The following ARHGEF4 variants were observed in gnomAD, a reference collection of about 807,000 sequenced individuals.
ARHGEF4 encodes the protein Rho guanine nucleotide exchange factor 4, also known as APC-stimulated guanine nucleotide exchange factor 1.
Under a neutral mutation model 162.0 loss-of-function variants are expected in ARHGEF4, and 119 were observed. The observed-to-expected ratio is 0.73, with a 90% CI of 0.63 to 0.86. The LOEUF (loss-of-function observed/expected upper bound fraction) is 0.86. Among genes scored for constraint, ARHGEF4 ranks in the 40% least tolerant of loss-of-function variants. The probability of loss-of-function intolerance (pLI) is 0.00; values close to 1 mark genes in which losing one functional copy is unlikely to be tolerated. For synonymous variants in ARHGEF4, 1,014 were observed against 979.9 expected (o/e 1.03, Z -0.65); for missense variants, 2,488 against 2,456.0 (o/e 1.01, Z -0.28).
At position 130,880,923 on chromosome 2, in the gene ARHGEF4, C is replaced by CT. The variant is rs1424488149; in HGVS notation, c.40-33060dup. Among the ~76,000 whole-genome samples, 3 of 152,210 alleles carry CT rather than the reference C, an allele frequency of 2.0e-5. No individual in the cohort carries two copies. In the East Asian group the frequency reaches 5.8e-4, roughly 29 times the overall value. ...ATGAGCAGCGTGGTTTGAATCCTAG[C>CT]TTTACAGCTAAATAACAGTATGGTA... On this transcript the variant is annotated intron_variant, in intron 1 of 13. Transcript: ENST00000409359.
rs373368406 is a variant in ARHGEF4 at position 130,885,390 on chromosome 2, G to A, written c.40-28596G>A. On this transcript the variant is annotated intron_variant, in intron 1 of 13. Transcript: ENST00000409359. ...ATTACAGGCGTGAGCCACCGCGCCC[G>A]GCCTACATAATAGCATTAATTCATT... 4.1e-4 allele frequency among the ~76,000 whole-genome samples: 62 copies of A among 151,908 alleles called. 1 individual carries two copies. The highest frequency in any genetic ancestry group is 1.4e-3 in the African/African-American group (57 of 41,302).
chr2:130,897,783 C>A (rs775061967), intron 1 of ARHGEF4, among the ~76,000 whole-genome samples: 2 of 152,160 alleles, frequency 1.3e-5, no homozygotes, highest in Non-Finnish European at 2.9e-5. Context: ...GGTGGCGACT[C>A]TTCCAGAAAA....
chr2:130,944,483 T>C (rs1683492511), intron 3 of ARHGEF4, among the ~76,000 whole-genome samples: 1 of 152,234 alleles, frequency 6.6e-6, no homozygotes, highest in Non-Finnish European at 1.5e-5. Context: ...TGTTCTTCAA[T>C]TGGATAATTT....
chr2:130,977,722 G>A (rs527521269), intron 4 of ARHGEF4, among the ~76,000 whole-genome samples: 5 of 152,106 alleles, frequency 3.3e-5, no homozygotes, highest in African/African-American at 4.8e-5. Context: ...CATCTTGTGC[G>A]TGTGTGGTGT....
intron 3 of ARHGEF4, among the ~76,000 whole-genome samples, chr2:130,940,211 C>T (rs1397473231): frequency 6.6e-6 from 1 of 152,040 alleles, no homozygotes; most frequent in Non-Finnish European, 1.5e-5. Flanking sequence ...ACAGGTGCTA[C>T]AGTGATATCA....
At position 131,044,372 on chromosome 2, in the gene ARHGEF4, A is replaced by C; in HGVS notation, c.5231A>C (p.Glu1744Ala). 6.3e-7 allele frequency: 1 copy of C among 1,597,908 alleles called. No homozygotes were observed. Among genetic ancestry groups the C allele is most frequent in the Non-Finnish European group, 8.5e-7 (1 of 1,172,480 alleles). ...DMDGLEVVDL[E>A]DGKDRDLHVS... ...GACGGCCTGGAGGTGGTGGACCTGG[A>C]GGACGGGAAGGACAGAGACCTCCAT... The change falls in exon 12 of 14, where the codon GAG (glutamate) becomes GCG (alanine). Residue 1744 changes from glutamate to alanine, a missense_variant. Transcript: ENST00000409359.
intron 1 of ARHGEF4, among the ~76,000 whole-genome samples, chr2:130,869,895 C>G (rs1035017040): frequency 2.0e-5 from 3 of 152,170 alleles, no homozygotes; most frequent in African/African-American, 7.2e-5. Context: ...TTTCTTGGAC[C>G]CTCACTGTGT....
At chr2:130,975,197 C>T (rs1685626225) in intron 4 of ARHGEF4, among the ~76,000 whole-genome samples, 1 of 152,194 alleles carries the variant, frequency 6.6e-6, no homozygotes, top group Non-Finnish European at 1.5e-5. Flanking sequence ...CAGTGAGGAT[C>T]GCATCCTCTC....
chr2:130,887,689 C>G (rs1574163347), intron 1 of ARHGEF4, among the ~76,000 whole-genome samples: 1 of 152,006 alleles, frequency 6.6e-6, no homozygotes, highest in African/African-American at 2.4e-5. Flanking sequence ...TCCATTTTAG[C>G]AGTTTATTTC....
chr2:130,952,637 A>G (rs1684027864), intron 4 of ARHGEF4, among the ~76,000 whole-genome samples: 2 of 152,332 alleles, frequency 1.3e-5, no homozygotes, highest in South Asian at 4.1e-4. Flanking sequence ...CTGTTTGCAA[A>G]TGACATGATT....
At chr2:130,898,620 G>A (rs748940120) in intron 1 of ARHGEF4, among the ~76,000 whole-genome samples, 6 of 152,072 alleles carry the variant, frequency 3.9e-5, no homozygotes, top group Non-Finnish European at 8.8e-5. Flanking sequence ...GGGTTCCCAG[G>A]GGCCATGAAG....
intron 4 of ARHGEF4, among the ~76,000 whole-genome samples, chr2:130,993,405 CAAT>C (rs145417983): frequency 0.018 from 2,675 of 152,162 alleles, 86 homozygotes; most frequent in African/African-American, 0.061. Flanking sequence ...TTGACTTTCA[CAAT>C]AATTTTAGTG....
intron 4 of ARHGEF4, among the ~76,000 whole-genome samples, chr2:130,971,953 G>C (rs565340097): frequency 3.9e-5 from 6 of 152,160 alleles, no homozygotes; most frequent in Middle Eastern, 3.2e-3. Flanking sequence ...AAAATCTATA[G>C]TGCTGGGGGC....
In ARHGEF4 at chr2:131,030,569, G is replaced by A. The variant is rs376000412; in HGVS notation, c.4125+2485G>A. Among the ~76,000 whole-genome samples, 118 of 152,356 alleles carry A rather than the reference G, an allele frequency of 7.7e-4. 3 individuals are homozygous for A. The South Asian group carries it at 0.013, about 17-fold the overall frequency. ...GTCAGGCAGAGGGAGCCCGTCTCCT[G>A]CGATGCTGCAGGCTGGTGCTGGGGA... On this transcript the variant is annotated intron_variant, in intron 5 of 13. Coordinates refer to ENST00000409359, the MANE Select transcript of ARHGEF4 (RefSeq NM_001367493.1).
intron 4 of ARHGEF4, among the ~76,000 whole-genome samples, chr2:130,975,011 T>A (rs932194690): frequency 2.0e-5 from 3 of 152,058 alleles, no homozygotes; most frequent in Non-Finnish European, 2.9e-5. Flanking sequence ...TAAAAAAAAA[T>A]AAGTTAGTCT....
At chr2:130,853,982 G>A (rs1279074865) in intron 1 of ARHGEF4, among the ~76,000 whole-genome samples, 4 of 152,178 alleles carry the variant, frequency 2.6e-5, no homozygotes, top group African/African-American at 9.7e-5. Flanking sequence ...TAGGAGAGAG[G>A]TCTTAGTCCT....
intron 1 of ARHGEF4, among the ~76,000 whole-genome samples, chr2:130,882,459 G>T (rs748596375): frequency 9.2e-5 from 14 of 152,036 alleles, no homozygotes; most frequent in South Asian, 2.1e-4. Context: ...GGTGGGAGGG[G>T]TGAGTGAGCT....
chr2:131,019,370 C>T (rs1295022898), intron 4 of ARHGEF4, among the ~76,000 whole-genome samples: 1 of 151,798 alleles, frequency 6.6e-6, no homozygotes, highest in African/African-American at 2.4e-5. Flanking sequence ...TGAGATCGTG[C>T]CATTGCACTG....
rs755027146 is a variant in ARHGEF4, at chr2:130,916,738, A to G, written c.2792A>G (p.His931Arg). Residue 931 changes from histidine to arginine, a missense_variant, in exon 2 of 14, where the codon CAT becomes CGT. By Grantham distance (29) the His-to-Arg change is conservative. Coordinates refer to ENST00000409359, the MANE Select transcript of ARHGEF4 (RefSeq NM_001367493.1). ...ESIVLEKENT[H>R]ERSPSSPKGE... The stretch of plus-strand genomic sequence containing the variant: ...ATAGTTCTAGAGAAAGAGAACACCC[A>G]TGAACGTTCCCCAAGTTCTCCCAAG... 1.1e-5 allele frequency: 17 copies of G among 1,550,684 alleles called. No homozygotes were observed. Among genetic ancestry groups the G allele is most frequent in the Non-Finnish European group, 1.4e-5 (16 of 1,147,030 alleles).
Sources: allele counts gnomAD v4.1 joint callset (sites outside exome capture counted in the v4.1 genomes callset), GRCh38; gene constraint gnomAD v4.1.1; transcripts MANE v1.5; gene names NCBI Gene and HGNC (gene_info 2026-07-23, HGNC 2026-07-21).